Variants in PPIP5K1 observed in about 807,000 individuals in gnomAD.
PPIP5K1 encodes the protein inositol hexakisphosphate and diphosphoinositol-pentakisphosphate kinase 1.
In PPIP5K1, 6 loss-of-function variants were observed where a neutral mutation model predicts 27.7. That is an observed-to-expected ratio of 0.22 (90% CI 0.12 to 0.43). PPIP5K1 has a LOEUF of 0.43. Among genes scored for constraint, PPIP5K1 ranks in the 20% least tolerant of loss-of-function variants. The pLI, the probability that PPIP5K1 is intolerant of heterozygous loss-of-function variation, is 1.00. For synonymous variants in PPIP5K1, 145 were observed against 242.6 expected (o/e 0.60, Z 3.74); for missense variants, 394 against 635.4 (o/e 0.62, Z 4.08).
At position 43,534,458 on chromosome 15, in the gene PPIP5K1, G is replaced by C. The variant is rs1399994545; in HGVS notation, c.*216C>G. ...AGACACCGCTGGTGAGAGCTGGCCA[G>C]TGAGTTAGCCAACAGAAAAGGTTGC... On this transcript the variant is annotated 3_prime_UTR_variant, in exon 32 of 32. Coordinates refer to ENST00000420765, the MANE Select transcript of PPIP5K1 (RefSeq NM_001394395.1). 3 of 450,344 alleles carry C rather than the reference G, an allele frequency of 6.7e-6. No homozygotes were observed. Among genetic ancestry groups the C allele is most frequent in the Non-Finnish European group, 1.2e-5 (3 of 258,024 alleles). The allele number at this position is 450,344 out of a possible 1,614,324, so 27.9% of individuals were successfully genotyped here.
chr15:43,559,232 T>C (rs1004848372), intron 29 of PPIP5K1, among the ~76,000 whole-genome samples: 1 of 152,094 alleles, frequency 6.6e-6, no homozygotes, highest in South Asian at 2.1e-4. Context: ...CCCAGTAGGG[T>C]AGGCACCAAC....
chr15:43,551,967 T>C (rs1035773800), intron 30 of PPIP5K1, among the ~76,000 whole-genome samples: 1 of 141,460 alleles, frequency 7.1e-6, no homozygotes, highest in Non-Finnish European at 1.5e-5. Context: ...AATTAGATTA[T>C]TGATTTCAGA....
At position 43,558,373 on chromosome 15, in the gene PPIP5K1, G is replaced by A. The variant is rs189320926; in HGVS notation, c.3556+422C>T. ...CTCCTGGGTAGCTGGGACTGCAGGC[G>A]CACACCACCGCACCCAGCTAATTTT... On this transcript the variant is annotated intron_variant, in intron 30 of 31. Transcript: ENST00000420765. Among the ~76,000 whole-genome samples, 138 of 152,040 alleles carry A rather than the reference G, an allele frequency of 9.1e-4. 1 individual carries two copies. In the South Asian group the frequency reaches 0.026, roughly 29 times the overall value.
rs765849807 is a variant in PPIP5K1 at position 43,535,231 on chromosome 15, G to C, written c.3916C>G (p.Gln1306Glu). Residue 1306 changes from glutamine to glutamate, a missense_variant, in exon 32 of 32, where the codon CAG (glutamine) becomes GAG (glutamate). By Grantham distance (29) the Gln-to-Glu change is conservative (BLOSUM62 2). Transcript: ENST00000420765. ...GGCTGGCTGACCTCCTCGTATGGCTGGCTGGTTTCCATAGGTGGCACCTGT... is the reference window on the plus strand; with the variant it reads ...GGCTGGCTGACCTCCTCGTATGGCTCGCTGGTTTCCATAGGTGGCACCTGT... ...SPQVPPMETS[Q>E]PYEEVSQPCQ... 6.2e-7 allele frequency: 1 copy of C among 1,614,180 alleles called. No homozygotes were observed.
At chr15:43,539,640 TC>T in intron 30 of PPIP5K1, 57 bp from the exon 31 acceptor site, 1 of 952,518 alleles carries the variant, frequency 1.0e-6, no homozygotes, top group South Asian at 1.5e-5. Flanking sequence ...TGAGGAAGAA[TC>T]CAGGAGCCAC....
At chr15:43,559,232 T>A (rs1004848372) in intron 29 of PPIP5K1, among the ~76,000 whole-genome samples, 80 of 152,094 alleles carry the variant, frequency 5.3e-4, no homozygotes, top group African/African-American at 1.8e-3. Flanking sequence ...CCCAGTAGGG[T>A]AGGCACCAAC....
intron 30 of PPIP5K1, among the ~76,000 whole-genome samples, chr15:43,553,722 G>C (rs2082551915): frequency 6.8e-6 from 1 of 146,752 alleles, no homozygotes; most frequent in African/African-American, 2.5e-5. Context: ...TCGGCTTATT[G>C]CAAGCTCCAC....
intron 30 of PPIP5K1, 99 bp downstream of exon 30, chr15:43,558,696 G>A: frequency 1.3e-6 from 2 of 1,486,122 alleles, no homozygotes. Flanking sequence ...GTGTCTTTGT[G>A]GATTGCCTAA....
intron 29 of PPIP5K1, among the ~76,000 whole-genome samples, chr15:43,559,249 CT>C (rs2083461771): frequency 6.6e-6 from 1 of 152,208 alleles, no homozygotes; most frequent in Non-Finnish European, 1.5e-5. Flanking sequence ...CAACGTTGTT[CT>C]CACACTTTCT....
intron 31 of PPIP5K1, 92 bp from the exon 32 acceptor site, chr15:43,535,568 A>G (rs1436823567): frequency 6.8e-6 from 7 of 1,032,766 alleles, no homozygotes; most frequent in East Asian, 2.5e-5. Flanking sequence ...TTGTTGGCCT[A>G]TGCTACTTAT....
chr15:43,540,880 A>G (rs938255969), intron 30 of PPIP5K1, among the ~76,000 whole-genome samples: 3 of 151,222 alleles, frequency 2.0e-5, no homozygotes, highest in African/African-American at 7.3e-5. Context: ...AAAAAAAAAA[A>G]AGAGAAGAGA....
chr15:43,539,708 T>A, intron 30 of PPIP5K1, 125 bp from the exon 31 acceptor site: 1 of 612,410 alleles, frequency 1.6e-6, no homozygotes, highest in Non-Finnish European at 2.9e-6. Flanking sequence ...AAGTAGCATT[T>A]CCTGGGGACC....
Position 43,551,606 on chromosome 15 carries a change from G to GTTTTTTTTTTTTTTTTTTT in PPIP5K1, c.3556+7188_3556+7189insAAAAAAAAAAAAAAAAAAA, listed in dbSNP as rs1293557795. Reference sequence around the variant, plus strand: ...TTTAGACTTTCTACTTCTTGATTCAGTTTTTTTTTTTTTTGAGACGGAGTC... The same window carrying GTTTTTTTTTTTTTTTTTTT: ...TTTAGACTTTCTACTTCTTGATTCAGTTTTTTTTTTTTTTTTTTTTTTTTTTTTTTTTTGAGACGGAGTC... On this transcript the variant is annotated intron_variant, in intron 30 of 31. Transcript: ENST00000420765. Among the ~76,000 whole-genome samples, 11 of 105,460 alleles carry GTTTTTTTTTTTTTTTTTTT rather than the reference G, an allele frequency of 1.0e-4. 2 individuals carry two copies. The highest frequency in any genetic ancestry group is 1.7e-4 in the Non-Finnish European group (10 of 57,822). The allele number at this position is 105,460 out of a possible 152,430, so 69.2% of individuals were successfully genotyped here. A position where few individuals can be genotyped will look rare whatever the true frequency, so the allele number is the denominator to read the frequency against.
intron 30 of PPIP5K1, among the ~76,000 whole-genome samples, chr15:43,548,887 G>A (rs1427623436): frequency 6.6e-6 from 1 of 150,706 alleles, no homozygotes; most frequent in Non-Finnish European, 1.5e-5. Context: ...AATTAGCTGG[G>A]CATGATGGCA....
Position 43,533,646 on chromosome 15 carries a change from C to T in PPIP5K1, c.*1028G>A, listed in dbSNP as rs2079502754. 1.3e-5 allele frequency: 2 copies of T among 152,486 alleles called. No homozygotes were observed. 9.4% of individuals were successfully genotyped at this position (152,486 alleles called of 1,614,324 possible). ...TATAAGGACAAATTTCTTGGGGACC[C>T]TGCAGTGTTTGGTCTTTGGCCAGTC... is the stretch of plus-strand genomic sequence containing the variant. On this transcript the variant is annotated 3_prime_UTR_variant, in exon 32 of 32. Coordinates refer to ENST00000420765, the MANE Select transcript of PPIP5K1 (RefSeq NM_001394395.1).
chr15:43,559,092 C>G lies in PPIP5K1; in HGVS notation c.3419-160G>C, dbSNP rs546923943. On this transcript the variant is annotated intron_variant, in intron 29 of 31. Transcript: ENST00000420765. The stretch of plus-strand genomic sequence containing the variant: ...TAGGAGAGGGAACTCTTTAGAGCCC[C>G]TAGGGAGTCTGTTTTTCTCACCTTC... Among the ~76,000 whole-genome samples the G allele has an allele frequency of 5.9e-5, 9 of 152,180 alleles. 1 individual carries two copies. In the South Asian group the frequency reaches 1.9e-3, roughly 32 times the overall value.
chr15:43,549,105 G>A lies in PPIP5K1; in HGVS notation c.3557-9522C>T, dbSNP rs910917874. 4.4e-5 allele frequency among the ~76,000 whole-genome samples: 6 copies of A among 136,356 alleles called. No individual in the cohort carries two copies. In the Admixed American group the frequency reaches 4.4e-4, roughly 10 times the overall value. The allele number at this position is 136,356 out of a possible 152,430, so 89.5% of individuals were successfully genotyped here. A position where few individuals can be genotyped will look rare whatever the true frequency, so the allele number is the denominator to read the frequency against. On this transcript the variant is annotated intron_variant, in intron 30 of 31. Coordinates refer to ENST00000420765, the MANE Select transcript of PPIP5K1 (RefSeq NM_001394395.1). ...TACATATATATAATTTGTAGAGACA[G>A]GGCCTTATGTTGCCTAGGCTGGTCT... is the stretch of plus-strand genomic sequence containing the variant.
chr15:43,538,126 C>T (rs1473432001), intron 31 of PPIP5K1, among the ~76,000 whole-genome samples: 1 of 152,096 alleles, frequency 6.6e-6, no homozygotes, highest in Admixed American at 6.6e-5. Context: ...GTTTCTTCCT[C>T]AAACAGGATG....
Position 43,535,036 on chromosome 15 carries a change from T to C in PPIP5K1, c.4111A>G (p.Ser1371Gly). The change falls in exon 32 of 32, where the codon AGC becomes GGC. Residue 1371 changes from serine to glycine, a missense_variant. This residue lies in a region of PPIP5K1 where 379 missense variants were observed against 423.9 expected (regional missense o/e 0.89). Coordinates refer to ENST00000420765, the MANE Select transcript of PPIP5K1 (RefSeq NM_001394395.1). The part of the protein sequence containing the change: ...PHISQPCQKS[S>G]QLCQKVSEEV... ...TCAGAGACTTTCTGGCACAGTTGGC[T>C]GGACTTCTGGCATGGCTGGCTGATG... is the stretch of plus-strand genomic sequence containing the variant. 5 of 1,613,582 alleles carry C rather than the reference T, an allele frequency of 3.1e-6. No homozygotes were observed. The highest frequency in any genetic ancestry group is 2.7e-5 in the African/African-American group (2 of 74,826).
Sources: allele counts gnomAD v4.1 joint callset (sites outside exome capture counted in the v4.1 genomes callset), GRCh38; gene constraint gnomAD v4.1.1; regional missense constraint gnomAD v4.1.1; transcripts MANE v1.5; gene names NCBI Gene and HGNC (gene_info 2026-07-23, HGNC 2026-07-21).